RGPD1: variants seen among roughly 807,000 people sequenced by gnomAD.
RGPD1 encodes RANBP2 like and GRIP domain containing 1.
In RGPD1, 7 loss-of-function variants were observed where a neutral mutation model predicts 40.6. The observed-to-expected ratio is 0.17, with a 90% CI of 0.10 to 0.32. The LOEUF (loss-of-function observed/expected upper bound fraction) is 0.32, where lower values mean the gene tolerates loss of function less well. Ranked by LOEUF, RGPD1 falls within the 10% of genes least tolerant of loss-of-function variation. RGPD1 has a pLI of 1.00. For synonymous variants in RGPD1, 24 were observed against 167.0 expected, an observed-to-expected ratio of 0.14 and a Z score of 6.60; for missense variants, 50 against 472.5, an observed-to-expected ratio of 0.11 and a Z score of 8.29.
intron 1 of RGPD1, among the ~76,000 whole-genome samples, chr2:86,943,179 C>T (rs1218683269): frequency 1.1e-4 from 17 of 150,810 alleles, no homozygotes; most frequent in Non-Finnish European, 2.4e-4. Context: ...GGCCCGACGG[C>T]GCAAATGACA....
In RGPD1 at chr2:86,930,751, C is replaced by T. The variant is rs887487533; in HGVS notation, c.72+16830C>T. 10 of 1,440,820 alleles carry T rather than the reference C, an allele frequency of 6.9e-6. No homozygotes were observed. The African/African-American group carries it at 1.2e-4, about 18-fold the overall frequency. 89.3% of individuals were successfully genotyped at this position (1,440,820 alleles called of 1,614,324 possible). A position where few individuals can be genotyped will look rare whatever the true frequency, so the allele number is the denominator to read the frequency against. ...CTGCCGTTCCCGCTGCTGGCCCGAGCCATACCTCCACCTACAGCCCCCTGA... is the reference window on the plus strand; with the variant it reads ...CTGCCGTTCCCGCTGCTGGCCCGAGTCATACCTCCACCTACAGCCCCCTGA... On this transcript the variant is annotated intron_variant, in intron 1 of 22. Coordinates refer to the RGPD1 transcript ENST00000398193.
chr2:86,930,532 A>G, intron 1 of RGPD1: 1 of 1,567,274 alleles, frequency 6.4e-7, no homozygotes, highest in East Asian at 2.3e-5. Flanking sequence ...CGGTGGCGGA[A>G]GGCCCAACAG....
In RGPD1 at chr2:86,914,480, G is replaced by A. The variant is rs1317257604; in HGVS notation, c.72+559G>A. ...GGCGGCGGCGGCGGCGGCGGCCTCG[G>A]CCTCGGCCTGGCCGGGCTGCGGCGG... On this transcript the variant is annotated intron_variant, in intron 1 of 22. Coordinates refer to the RGPD1 transcript ENST00000398193. Among the ~76,000 whole-genome samples, 10 of 19,108 alleles carry A rather than the reference G, an allele frequency of 5.2e-4. 1 individual carries two copies. Among genetic ancestry groups the A allele is most frequent in the Admixed American group, 7.7e-4 (2 of 2,588 alleles). 12.5% of individuals were successfully genotyped at this position (19,108 alleles called of 152,430 possible). A position where few individuals can be genotyped will look rare whatever the true frequency, so the allele number is the denominator to read the frequency against.
At chr2:86,939,192 A>C (rs1679553019), upstream of RGPD1, among the ~76,000 whole-genome samples, 1 of 89,756 alleles carries the variant, frequency 1.1e-5, no homozygotes, top group Non-Finnish European at 2.2e-5. Context: ...AGTAGTGTGA[A>C]ATGAAGTAAA....
chr2:86,914,098 G>C (rs1677601052), intron 1 of RGPD1, among the ~76,000 whole-genome samples: 1 of 107,198 alleles, frequency 9.3e-6, no homozygotes, highest in African/African-American at 4.0e-5. Context: ...CGGCGGCGGC[G>C]GCGGCGGCGG....
intron 1 of RGPD1, among the ~76,000 whole-genome samples, chr2:86,942,582 T>A (rs1252583280): frequency 1.3e-5 from 1 of 75,810 alleles, no homozygotes; most frequent in Non-Finnish European, 2.9e-5. Flanking sequence ...GCGGCCTCGA[T>A]GGCTCAGGCG....
At chr2:86,918,356 G>A (rs1276967129) in intron 1 of RGPD1, among the ~76,000 whole-genome samples, 8 of 148,610 alleles carry the variant, frequency 5.4e-5, no homozygotes, top group African/African-American at 2.0e-4. Flanking sequence ...AACTTTGCCT[G>A]GGTCACTCTG....
intron 1 of RGPD1, among the ~76,000 whole-genome samples, chr2:86,920,016 T>C (rs1678027911): frequency 6.6e-6 from 1 of 151,980 alleles, no homozygotes; most frequent in African/African-American, 2.4e-5. Context: ...AAGGAATTGC[T>C]GTCTGCAATT....
chr2:86,915,129 C>G (rs1051609194), intron 1 of RGPD1, among the ~76,000 whole-genome samples: 10 of 149,926 alleles, frequency 6.7e-5, no homozygotes, highest in African/African-American at 9.8e-5. Context: ...AACCCTTTCT[C>G]TACTGAAAAT....
intron 1 of RGPD1, among the ~76,000 whole-genome samples, chr2:86,931,652 G>C (rs1678971915): frequency 1.3e-5 from 2 of 151,708 alleles, no homozygotes; most frequent in South Asian, 4.2e-4. Context: ...TATTACTTCA[G>C]ATAACTGTTA....
rs1233161643 is a variant in RGPD1 at position 86,964,142 on chromosome 2, A to C, written c.975+918A>C. On this transcript the variant is annotated intron_variant, in intron 7 of 22. Coordinates refer to ENST00000641458, the MANE Select transcript of RGPD1 (RefSeq NM_001382344.1). ...ACTGCAAGCTCCACCTCCTGAGTTCACACCATTTTCCTGCCTCAGCCTCCC... is the reference window on the plus strand; with the variant it reads ...ACTGCAAGCTCCACCTCCTGAGTTCCCACCATTTTCCTGCCTCAGCCTCCC... Among the ~76,000 whole-genome samples the C allele has an allele frequency of 3.8e-5, 4 of 105,196 alleles. 1 individual carries two copies. The highest frequency in any genetic ancestry group is 7.5e-5 in the Non-Finnish European group (4 of 53,352). The allele number at this position is 105,196 out of a possible 152,430, so 69.0% of individuals were successfully genotyped here.
chr2:86,947,912 CAG>C (rs1197173373), intron 1 of RGPD1, among the ~76,000 whole-genome samples: 1 of 105,152 alleles, frequency 9.5e-6, no homozygotes, highest in African/African-American at 3.6e-5. Flanking sequence ...AGATGGGCGA[CAG>C]AGCGAGACTC....
chr2:86,923,327 A>G (rs1678177424), intron 1 of RGPD1, among the ~76,000 whole-genome samples: 1 of 151,720 alleles, frequency 6.6e-6, no homozygotes, highest in Non-Finnish European at 1.5e-5. Flanking sequence ...GGCATGAGCC[A>G]CTGCACCTGG....
Position 86,997,080 on chromosome 2 carries a change from T to A in RGPD1, c.5041-483T>A, listed in dbSNP as rs1466367220. Among the ~76,000 whole-genome samples, 4 of 150,040 alleles carry A rather than the reference T, an allele frequency of 2.7e-5. No individual in the cohort carries two copies. The East Asian group carries it at 5.9e-4, about 22-fold the overall frequency. On this transcript the variant is annotated intron_variant, in intron 21 of 22. Transcript: ENST00000641458. ...AACTCCAGTATTTACACAGGATGCA[T>A]CCTCTCCTCTTGTCAGTGATACTTG...
At chr2:86,929,662 A>G (rs1012977485) in intron 1 of RGPD1, among the ~76,000 whole-genome samples, 3 of 121,016 alleles carry the variant, frequency 2.5e-5, no homozygotes, top group Non-Finnish European at 5.4e-5. Flanking sequence ...TAGGAGCTCA[A>G]AGTAACCTGA....
intron 1 of RGPD1, chr2:86,930,640 C>T: frequency 2.5e-6 from 4 of 1,611,592 alleles, no homozygotes; most frequent in South Asian, 1.1e-5. Flanking sequence ...TGAACACTCT[C>T]ACAGAGGTAG....
upstream of RGPD1, among the ~76,000 whole-genome samples, chr2:86,937,278 C>G (rs1385871225): frequency 6.9e-6 from 1 of 144,960 alleles, no homozygotes; most frequent in Non-Finnish European, 1.5e-5. Context: ...CACTGGAAGT[C>G]ACTTTAGATT....
intron 1 of RGPD1, among the ~76,000 whole-genome samples, chr2:86,943,803 G>A (rs1680110205): frequency 6.6e-6 from 1 of 152,160 alleles, no homozygotes; most frequent in African/African-American, 2.4e-5. Context: ...CTGAGGTCAG[G>A]AGTTGGAGAC....
intron 22 of RGPD1, among the ~76,000 whole-genome samples, chr2:87,007,719 C>A (rs1308732625): frequency 2.0e-5 from 3 of 152,236 alleles, no homozygotes; most frequent in Non-Finnish European, 2.9e-5. Context: ...TAGAGAACCA[C>A]AGGATTCCTT....
Sources: gnomAD v4.1 joint callset for allele counts (sites outside exome capture counted in the v4.1 genomes callset) on GRCh38, gnomAD v4.1.1 for gene constraint, MANE v1.5 for transcripts, NCBI Gene and HGNC (gene_info 2026-07-23, HGNC 2026-07-21) for gene names.